TTC3: variants seen among roughly 807,000 people sequenced by gnomAD.
TTC3 encodes E3 ubiquitin-protein ligase TTC3.
A neutral mutation model predicts 249.6 loss-of-function variants in TTC3; 180 were observed. That is an observed-to-expected ratio of 0.72 (90% CI 0.64 to 0.82). The LOEUF (loss-of-function observed/expected upper bound fraction) is 0.82, where lower values mean the gene tolerates loss of function less well. TTC3 is among the 40% of genes least tolerant of loss of function. TTC3 has a pLI of 0.00. For missense variants in TTC3, 2,061 were observed against 2,398.4 expected (o/e 0.86, Z 2.94); for synonymous variants, 717 against 805.0 (o/e 0.89, Z 1.85).
intron 6 of TTC3, 59 bp downstream of exon 6, chr21:37,090,345 T>C (rs1380982655): frequency 7.0e-7 from 1 of 1,431,480 alleles, no homozygotes; most frequent in African/African-American, 1.4e-5. Flanking sequence ...GTCATCTCAC[T>C]GCTCATTTCC....
chr21:37,151,102 AGTG>A (rs2079424142), intron 25 of TTC3, among the ~76,000 whole-genome samples: 1 of 152,170 alleles, frequency 6.6e-6, no homozygotes, highest in Non-Finnish European at 1.5e-5. Context: ...TTATTTATCT[AGTG>A]GTTGAATTTA....
At position 37,116,635 on chromosome 21, in the gene TTC3, C is replaced by A. The variant is rs558494789; in HGVS notation, c.901-5182C>A. Among the ~76,000 whole-genome samples, 6 of 151,786 alleles carry A rather than the reference C, an allele frequency of 4.0e-5. No homozygotes were observed. In the East Asian group the frequency reaches 1.2e-3, roughly 29 times the overall value. ...GACCAGCCTGGCCAACATGTGAAACCCCGTCTCTACAAAAAAATTTTAAAA... is the reference window on the plus strand; with the variant it reads ...GACCAGCCTGGCCAACATGTGAAACACCGTCTCTACAAAAAAATTTTAAAA... On this transcript the variant is annotated intron_variant, in intron 11 of 45. Coordinates refer to ENST00000355666, the Ensembl canonical transcript of TTC3.
At position 37,200,139 on chromosome 21, in the gene TTC3, CAGA is replaced by C. The variant is rs1569210367; in HGVS notation, c.5851-89_5851-87del. The C allele has an allele frequency of 7.0e-6, 8 of 1,146,590 alleles. No homozygotes were observed. The East Asian group carries it at 1.3e-4, about 19-fold the overall frequency. 71.0% of individuals were successfully genotyped at this position (1,146,590 alleles called of 1,614,324 possible). On this transcript the variant is annotated intron_variant, in intron 44 of 45. Transcript: ENST00000355666. ...GTGAATAATTTGCCACCCTTTGTGG[CAGA>C]AGATGTTTGAAGGCCACTTGAAGGA...
At chr21:37,186,402 A>G (rs1157468092) in intron 37 of TTC3, among the ~76,000 whole-genome samples, 1 of 152,130 alleles carries the variant, frequency 6.6e-6, no homozygotes, top group Non-Finnish European at 1.5e-5. Flanking sequence ...TTCTGGCTCA[A>G]AGGATAGGGA....
chr21:37,164,315 A>C, intron 32 of TTC3, 100 bp downstream of exon 32: 1 of 1,146,756 alleles, frequency 8.7e-7, no homozygotes. Context: ...AGATTTTGCC[A>C]CATTTTACAC....
At chr21:37,099,926 A>G (rs2074312863) in intron 10 of TTC3, among the ~76,000 whole-genome samples, 3 of 152,254 alleles carry the variant, frequency 2.0e-5, no homozygotes, top group Admixed American at 1.3e-4. Flanking sequence ...TATTCATACA[A>G]TGGAATTCTA....
intron 18 of TTC3, 70 bp from the exon 19 acceptor site, chr21:37,138,564 T>G: frequency 9.8e-7 from 1 of 1,021,082 alleles, no homozygotes; most frequent in East Asian, 2.4e-5. Flanking sequence ...CACTTCTTTT[T>G]CTGTTGTGAC....
chr21:37,144,698 G>A, intron 21 of TTC3, 53 bp downstream of exon 21: 1 of 1,570,516 alleles, frequency 6.4e-7, no homozygotes. Flanking sequence ...TATCTGCATT[G>A]ACTGACTCAG....
At chr21:37,107,888 A>G (rs959626366) in intron 10 of TTC3, 1 of 152,918 alleles carries the variant, frequency 6.5e-6, no homozygotes, top group Non-Finnish European at 1.5e-5. Context: ...GATCGAGACC[A>G]TCGTGGCTAA....
At chr21:37,176,111 G>A (rs1602005337) in intron 35 of TTC3, among the ~76,000 whole-genome samples, 2 of 152,272 alleles carry the variant, frequency 1.3e-5, no homozygotes, top group Admixed American at 1.3e-4. Flanking sequence ...TTTAAAGCCA[G>A]AATCTCTTGT....
At chr21:37,119,775 G>A (rs964804600) in intron 11 of TTC3, among the ~76,000 whole-genome samples, 6 of 152,124 alleles carry the variant, frequency 3.9e-5, no homozygotes, top group African/African-American at 1.4e-4. Flanking sequence ...TTTGTTTTAG[G>A]TAGGAGGGAA....
At chr21:37,191,277 C>T (rs770583027) in intron 39 of TTC3, 57 bp from the exon 40 acceptor site, 24 of 1,205,592 alleles carry the variant, frequency 2.0e-5, no homozygotes, top group African/African-American at 6.4e-5. Flanking sequence ...TTTATTTGAC[C>T]GTAAGTGCTT....
chr21:37,088,131 TTAAG>T, intron 3 of TTC3, 61 bp from the exon 4 acceptor site: 1 of 1,405,966 alleles, frequency 7.1e-7, no homozygotes, highest in Non-Finnish European at 9.5e-7. Flanking sequence ...CTTTTTACTA[TTAAG>T]TGTTGATTCA....
At chr21:37,172,804 T>C in intron 35 of TTC3, 60 bp downstream of exon 35, 1 of 1,582,308 alleles carries the variant, frequency 6.3e-7, no homozygotes, top group Non-Finnish European at 8.6e-7. Context: ...AATGTGAGTG[T>C]AGCTGTGCTT....
At chr21:37,185,869 T>A (rs2083209743) in intron 37 of TTC3, 95 bp downstream of exon 37, 1 of 577,456 alleles carries the variant, frequency 1.7e-6, no homozygotes, top group Non-Finnish European at 2.7e-6. Context: ...GTTGCTTGTC[T>A]ATTTCTTTTA....
At chr21:37,141,852 A>G (rs1184939908) in intron 20 of TTC3, among the ~76,000 whole-genome samples, 1 of 152,190 alleles carries the variant, frequency 6.6e-6, no homozygotes, top group Non-Finnish European at 1.5e-5. Context: ...AAAATCCTTA[A>G]TAAAATACTG....
intron 7 of TTC3, among the ~76,000 whole-genome samples, chr21:37,093,713 A>G (rs1023704914): frequency 6.6e-6 from 1 of 152,176 alleles, no homozygotes; most frequent in Non-Finnish European, 1.5e-5. Context: ...TGTAAATACA[A>G]TTACAACTAA....
intron 20 of TTC3, among the ~76,000 whole-genome samples, chr21:37,143,988 C>G (rs1742997784): frequency 6.6e-6 from 1 of 151,270 alleles, no homozygotes; most frequent in Non-Finnish European, 1.5e-5. Context: ...CAAACTGTTG[C>G]AGGGACAAAA....
exon 12 of TTC3, chr21:37,121,854 G>A: frequency 1.2e-6 from 2 of 1,609,000 alleles, no homozygotes; most frequent in Non-Finnish European, 1.7e-6. Flanking sequence ...TCTATGCTGG[G>A]GGAATATGAC....
Sources: allele counts gnomAD v4.1 joint callset (sites outside exome capture counted in the v4.1 genomes callset), GRCh38; gene constraint gnomAD v4.1.1; transcripts MANE v1.5; gene names NCBI Gene and HGNC (gene_info 2026-07-23, HGNC 2026-07-21).